HECW2: variants seen among roughly 807,000 people sequenced by gnomAD.
HECW2 encodes the protein HECT, C2 and WW domain containing E3 ubiquitin protein ligase 2, also known as E3 ubiquitin-protein ligase HECW2.
Under a neutral mutation model 175.2 loss-of-function variants are expected in HECW2, and 61 were observed. That is an observed-to-expected ratio of 0.35 (90% CI 0.28 to 0.43). HECW2 has a LOEUF of 0.43. HECW2 is among the 20% of genes least tolerant of loss of function. HECW2 has a pLI of 1.00. For missense variants in HECW2, 1,524 were observed against 2,000.5 expected (o/e 0.76, Z 4.54); for synonymous variants, 671 against 731.0 (o/e 0.92, Z 1.32).
chr2:196,322,973 T>A (rs776537936), intron 6 of HECW2, among the ~76,000 whole-genome samples: 6 of 152,242 alleles, frequency 3.9e-5, no homozygotes, highest in Non-Finnish European at 8.8e-5. Flanking sequence ...ATATTTAATA[T>A]CTTGTTATAG....
chr2:196,305,571 A>G (rs1274174429), intron 13 of HECW2, among the ~76,000 whole-genome samples: 1 of 152,042 alleles, frequency 6.6e-6, no homozygotes, highest in African/African-American at 2.4e-5. Context: ...GTTAAATTCA[A>G]TATGTTCTCC....
At chr2:196,365,304 G>A (rs1215603166) in intron 2 of HECW2, among the ~76,000 whole-genome samples, 1 of 152,130 alleles carries the variant, frequency 6.6e-6, no homozygotes, top group Admixed American at 6.6e-5. Context: ...TCTTTATGCT[G>A]GTACTAAAAA....
intron 1 of HECW2, among the ~76,000 whole-genome samples, chr2:196,476,357 C>T (rs1686614748): frequency 6.6e-6 from 1 of 151,486 alleles, no homozygotes; most frequent in Non-Finnish European, 1.5e-5. Flanking sequence ...GCACTAGAAT[C>T]ACTTGAACCC....
At chr2:196,325,555 A>T (rs1373383612) in intron 5 of HECW2, among the ~76,000 whole-genome samples, 1 of 152,216 alleles carries the variant, frequency 6.6e-6, no homozygotes, top group Non-Finnish European at 1.5e-5. Flanking sequence ...GTAATTCGGC[A>T]ACCAGAATTT....
chr2:196,383,167 T>C (rs1042010888), intron 2 of HECW2, among the ~76,000 whole-genome samples: 1 of 152,086 alleles, frequency 6.6e-6, no homozygotes, highest in African/African-American at 2.4e-5. Context: ...TGAAGAAAAA[T>C]GCAAGCATAA....
chr2:196,587,920 TG>T (rs1691044973), intron 1 of HECW2, among the ~76,000 whole-genome samples: 1 of 152,218 alleles, frequency 6.6e-6, no homozygotes, highest in Non-Finnish European at 1.5e-5. Context: ...ATGCTGATCT[TG>T]CAAATCTTTG....
intron 1 of HECW2, among the ~76,000 whole-genome samples, chr2:196,545,785 G>C (rs1457023426): frequency 1.3e-5 from 2 of 152,252 alleles, no homozygotes; most frequent in South Asian, 2.1e-4. Context: ...GTTCTTAAGA[G>C]GATGCATCAC....
intron 1 of HECW2, among the ~76,000 whole-genome samples, chr2:196,555,812 T>A (rs1343998190): frequency 6.6e-6 from 1 of 152,248 alleles, no homozygotes; most frequent in South Asian, 2.1e-4. Context: ...TCAAAATCCT[T>A]AACAAGACTT....
At chr2:196,268,639 C>T (rs7588168) in intron 17 of HECW2, among the ~76,000 whole-genome samples, 6,177 of 152,194 alleles carry the variant, frequency 0.041, 402 homozygotes, top group African/African-American at 0.14. Context: ...TATGTTAATT[C>T]GTATTACACA....
At chr2:196,533,264 T>C (rs1559162873) in intron 1 of HECW2, among the ~76,000 whole-genome samples, 1 of 152,224 alleles carries the variant, frequency 6.6e-6, no homozygotes, top group Non-Finnish European at 1.5e-5. Flanking sequence ...AGAGAAACTG[T>C]AGCAAAGATC....
chr2:196,361,897 A>T, intron 2 of HECW2: 1 of 985,398 alleles, frequency 1.0e-6, no homozygotes, highest in Non-Finnish European at 1.2e-6. Context: ...CTTCCTTAAA[A>T]TCATACACCT....
chr2:196,462,062 A>G (rs1236871481), intron 1 of HECW2, among the ~76,000 whole-genome samples: 1 of 152,150 alleles, frequency 6.6e-6, no homozygotes, highest in African/African-American at 2.4e-5. Flanking sequence ...GTGCGTATAC[A>G]TATATGTATA....
chr2:196,268,465 G>C (rs1014377714), intron 17 of HECW2, among the ~76,000 whole-genome samples: 1 of 152,100 alleles, frequency 6.6e-6, no homozygotes, highest in South Asian at 2.1e-4. Context: ...ACTCTAAAAA[G>C]CAGAAAGAAA....
intron 2 of HECW2, among the ~76,000 whole-genome samples, chr2:196,376,532 G>A (rs1448966983): frequency 6.6e-6 from 1 of 151,902 alleles, no homozygotes; most frequent in African/African-American, 2.4e-5. Context: ...AGGAGGCTGA[G>A]GCAGGTAGCA....
chr2:196,297,320 G>A (rs925640683), intron 13 of HECW2, among the ~76,000 whole-genome samples: 1 of 152,130 alleles, frequency 6.6e-6, no homozygotes, highest in Non-Finnish European at 1.5e-5. Context: ...GCACTTGATG[G>A]TTGAGTGAAT....
intron 1 of HECW2, among the ~76,000 whole-genome samples, chr2:196,539,864 T>C (rs1689152380): frequency 6.6e-6 from 1 of 152,214 alleles, no homozygotes; most frequent in African/African-American, 2.4e-5. Flanking sequence ...CTCTGAGCAC[T>C]GCAAGGATAT....
At chr2:196,495,072 C>CTT (rs113446687) in intron 1 of HECW2, among the ~76,000 whole-genome samples, 7,682 of 144,244 alleles carry the variant, frequency 0.053, 684 homozygotes, top group African/African-American at 0.18. Context: ...ATATATCATT[C>CTT]TTTTTTTTTT....
chr2:196,354,135 G>A (rs1440135895), intron 2 of HECW2, among the ~76,000 whole-genome samples: 1 of 152,186 alleles, frequency 6.6e-6, no homozygotes, highest in African/African-American at 2.4e-5. Flanking sequence ...CCCCAGCTCT[G>A]GAGCCACAGG....
At chr2:196,517,499 T>C (rs1317547870) in intron 1 of HECW2, among the ~76,000 whole-genome samples, 1 of 152,224 alleles carries the variant, frequency 6.6e-6, no homozygotes, top group Non-Finnish European at 1.5e-5. Flanking sequence ...AATGATAAGA[T>C]GGCTTTAATA....
Sources: gnomAD v4.1 joint callset for allele counts (sites outside exome capture counted in the v4.1 genomes callset) on GRCh38, gnomAD v4.1.1 for gene constraint, MANE v1.5 for transcripts, NCBI Gene and HGNC (gene_info 2026-07-23, HGNC 2026-07-21) for gene names.